PACRG: variants seen among roughly 807,000 people sequenced by gnomAD.
PACRG encodes the protein parkin coregulated, also known as parkin coregulated gene protein.
Under a neutral mutation model 29.7 loss-of-function variants are expected in PACRG, and 29 were observed. That is an observed-to-expected ratio of 0.98 (90% CI 0.73 to 1.33). PACRG has a LOEUF of 1.33. Among genes scored for constraint, PACRG ranks in the 40% most tolerant of loss-of-function variants. PACRG has a pLI of 0.00. For synonymous variants in PACRG, 116 were observed against 118.7 expected (o/e 0.98, Z 0.15); for missense variants, 279 against 316.2 (o/e 0.88, Z 0.89).
intron 2 of PACRG, among the ~76,000 whole-genome samples, chr6:162,930,575 C>A (rs999438056): frequency 6.6e-6 from 1 of 151,484 alleles, no homozygotes; most frequent in Admixed American, 6.6e-5. Flanking sequence ...ATTTGGATGC[C>A]CTTTGTTTAT....
chr6:162,937,829 G>T (rs780892982), intron 2 of PACRG, among the ~76,000 whole-genome samples: 29 of 152,142 alleles, frequency 1.9e-4, no homozygotes, highest in African/African-American at 6.0e-4. Context: ...GAAAATTTGA[G>T]AAAAGTATAA....
intron 3 of PACRG, among the ~76,000 whole-genome samples, chr6:163,064,361 C>G (rs77602092): frequency 6.6e-6 from 1 of 152,200 alleles, no homozygotes; most frequent in Non-Finnish European, 1.5e-5. Context: ...TAGAGGTCAT[C>G]TGCCGATGAG....
intron 2 of PACRG, among the ~76,000 whole-genome samples, chr6:162,990,330 T>C (rs1803335612): frequency 6.6e-6 from 1 of 151,820 alleles, no homozygotes; most frequent in African/African-American, 2.4e-5. Context: ...TCCACAATGG[T>C]TGAACTAGTT....
chr6:163,306,115 G>A (rs371710140), intron 4 of PACRG, among the ~76,000 whole-genome samples: 2 of 152,158 alleles, frequency 1.3e-5, no homozygotes, highest in African/African-American at 4.8e-5. Context: ...CCCCTGTGAA[G>A]GGGAATAATA....
In PACRG at chr6:163,303,761, C is replaced by G. The variant is rs373305666; in HGVS notation, c.614-11066C>G. ...CAGTGGCTCATGCCTGTAATCCCAG[C>G]ACTTTGGGGGGCTGAGACGGGGGGA... On this transcript the variant is annotated intron_variant, in intron 4 of 4. Transcript: ENST00000366888. Among the ~76,000 whole-genome samples, 8 of 152,068 alleles carry G rather than the reference C, an allele frequency of 5.3e-5. No homozygotes were observed. The South Asian group carries it at 1.7e-3, about 32-fold the overall frequency.
intron 2 of PACRG, among the ~76,000 whole-genome samples, chr6:162,850,809 AAG>A (rs1168592051): frequency 2.0e-5 from 3 of 152,212 alleles, no homozygotes; most frequent in Non-Finnish European, 2.9e-5. Context: ...AACCAAACTA[AAG>A]AGGGAGTTGA....
chr6:163,239,572 C>T (rs1263569574), intron 4 of PACRG, among the ~76,000 whole-genome samples: 4 of 151,992 alleles, frequency 2.6e-5, no homozygotes, highest in Non-Finnish European at 4.4e-5. Context: ...AGTGCAACCC[C>T]TGTCCTTCTT....
chr6:162,727,745 C>T (rs756731328), upstream of PACRG: 3 of 1,469,522 alleles, frequency 2.0e-6, no homozygotes, highest in Admixed American at 2.0e-5. Context: ...CTCCCACCAG[C>T]GGCTCTCCTG....
intron 4 of PACRG, among the ~76,000 whole-genome samples, chr6:163,227,660 G>A (rs951011355): frequency 6.6e-6 from 1 of 152,044 alleles, no homozygotes; most frequent in Non-Finnish European, 1.5e-5. Flanking sequence ...ATACTGATGG[G>A]GACTACAAAG....
intron 4 of PACRG, among the ~76,000 whole-genome samples, chr6:163,239,470 A>T (rs557482689): frequency 6.6e-6 from 1 of 152,186 alleles, no homozygotes; most frequent in East Asian, 1.9e-4. Context: ...GCCCAGAATC[A>T]TGTCTGTAAG....
intron 2 of PACRG, among the ~76,000 whole-genome samples, chr6:162,948,558 CCTT>C (rs1799418638): frequency 6.6e-6 from 1 of 152,004 alleles, no homozygotes; most frequent in South Asian, 2.1e-4. Context: ...CAAACTAAAA[CCTT>C]CTACACAGCA....
chr6:163,213,929 A>G (rs182318760), intron 4 of PACRG, among the ~76,000 whole-genome samples: 56 of 152,322 alleles, frequency 3.7e-4, no homozygotes, highest in Non-Finnish European at 5.9e-4. Flanking sequence ...AATTGCCCCA[A>G]CACCATATAA....
chr6:162,911,501 A>G (rs2048697), intron 2 of PACRG, among the ~76,000 whole-genome samples: 18,581 of 152,234 alleles, frequency 0.12, 2,329 homozygotes, highest in African/African-American at 0.32. Context: ...AAATATATTG[A>G]GTGAAATAGC....
intron 4 of PACRG, among the ~76,000 whole-genome samples, chr6:163,302,851 C>T (rs1785055533): frequency 6.6e-6 from 1 of 152,164 alleles, no homozygotes; most frequent in Non-Finnish European, 1.5e-5. Context: ...ACATCAAGGC[C>T]ATGAGAATCT....
intron 3 of PACRG, among the ~76,000 whole-genome samples, chr6:163,067,671 C>T (rs1811677265): frequency 6.6e-6 from 1 of 152,152 alleles, no homozygotes; most frequent in Non-Finnish European, 1.5e-5. Context: ...AAATAATTCA[C>T]TAGTCACAAG....
intron 4 of PACRG, among the ~76,000 whole-genome samples, chr6:163,196,035 G>A (rs142909922): frequency 6.6e-6 from 1 of 152,124 alleles, no homozygotes; most frequent in African/African-American, 2.4e-5. Context: ...CCCAGACCCC[G>A]TCCCTCCAGT....
chr6:162,903,392 T>G (rs530705265), intron 2 of PACRG, among the ~76,000 whole-genome samples: 27 of 152,256 alleles, frequency 1.8e-4, no homozygotes, highest in South Asian at 6.2e-4. Flanking sequence ...TGCTGATATA[T>G]ACATACCCAA....
chr6:162,889,790 T>C (rs755648827), intron 2 of PACRG, among the ~76,000 whole-genome samples: 19 of 152,250 alleles, frequency 1.2e-4, no homozygotes, highest in Non-Finnish European at 2.8e-4. Context: ...CTCTTCGATA[T>C]GCACTTACAT....
At chr6:162,936,701 ATTGC>A (rs1240580880) in intron 2 of PACRG, among the ~76,000 whole-genome samples, 2 of 152,086 alleles carry the variant, frequency 1.3e-5, no homozygotes, top group African/African-American at 4.8e-5. Context: ...CATTCTAAAT[ATTGC>A]TTCTGTTGTT....
Sources: gnomAD v4.1 joint callset for allele counts (sites outside exome capture counted in the v4.1 genomes callset) on GRCh38, gnomAD v4.1.1 for gene constraint, MANE v1.5 for transcripts, NCBI Gene and HGNC (gene_info 2026-07-23, HGNC 2026-07-21) for gene names.